The following GAS5 variants were observed in gnomAD, a reference collection of about 807,000 sequenced individuals.
The protein encoded by GAS5 is growth arrest specific 5 (non-protein coding).
chr1:173,866,733 C>T (rs761647536), intron 2 of GAS5: 20 of 765,336 alleles, frequency 2.6e-5, no homozygotes, highest in Admixed American at 1.2e-4. Flanking sequence ...TGGCTTTAAA[C>T]CTTTTTGAGA....
intron 6 of GAS5, chr1:173,865,211 T>TA: frequency 3.2e-6 from 1 of 309,378 alleles, no homozygotes; most frequent in Non-Finnish European, 6.2e-6. Context: ...AAAAAAAAAA[T>TA]ACTTGGAACT....
chr1:173,867,329 C>T, upstream of GAS5: 1 of 419,788 alleles, frequency 2.4e-6, no homozygotes. Context: ...AGACCAGTCT[C>T]GCCAACATGG....
chr1:173,864,355 C>A (rs1654223200), intron 6 of GAS5: 1 of 518,618 alleles, frequency 1.9e-6, no homozygotes, highest in African/African-American at 1.9e-5. Flanking sequence ...ATGTGTGATG[C>A]TTGTTAGTAG....
At chr1:173,865,345 A>G (rs1654403533) in intron 6 of GAS5, 1 of 504,878 alleles carries the variant, frequency 2.0e-6, no homozygotes, top group African/African-American at 1.9e-5. Context: ...AAGATTTCCC[A>G]ACTACTGTTT....
upstream of GAS5, chr1:173,867,207 C>G (rs1654872504): frequency 1.8e-6 from 1 of 546,412 alleles, no homozygotes; most frequent in South Asian, 2.6e-5. Context: ...CAAAGAAGCA[C>G]TGCACCCGCA....
chr1:173,866,105 G>A (rs975678876), intron 4 of GAS5: 3 of 510,824 alleles, frequency 5.9e-6, no homozygotes, highest in Non-Finnish European at 1.2e-5. Flanking sequence ...GCACTAGGAG[G>A]TAACTAAAAA....
chr1:173,865,943 C>G (rs768621674), intron 4 of GAS5: 1 of 519,044 alleles, frequency 1.9e-6, no homozygotes, highest in African/African-American at 1.9e-5. Flanking sequence ...GTGTTCACCC[C>G]CTGCCAAAAC....
chr1:173,867,863 G>A, upstream of GAS5: 1 of 455,034 alleles, frequency 2.2e-6, no homozygotes, highest in Non-Finnish European at 4.5e-6. Context: ...GCAAAGGCGC[G>A]CGACTGGCTT....
intron 7 of GAS5, chr1:173,864,253 TCAC>T (rs753020155): frequency 1.9e-6 from 1 of 514,022 alleles, no homozygotes; most frequent in Admixed American, 1.9e-5. Context: ...TTTCCAATCC[TCAC>T]CTTTCAAGCA....
chr1:173,864,002 C>T, intron 7 of GAS5: 2 of 337,326 alleles, frequency 5.9e-6, no homozygotes, highest in Non-Finnish European at 1.2e-5. Flanking sequence ...GGCTGAGGAT[C>T]ACTTGAGCCC....
Position 173,866,816 on chromosome 1 carries a change from A to C in GAS5, n.56-20T>G, listed in dbSNP as rs973655011. 3.9e-6 allele frequency: 3 copies of C among 765,248 alleles called. No individual in the cohort carries two copies. In the African/African-American group the frequency reaches 5.1e-5, roughly 13 times the overall value. 47.4% of individuals were successfully genotyped at this position (765,248 alleles called of 1,614,324 possible). On this transcript the variant is annotated intron_variant and non_coding_transcript_variant, in intron 1 of 7. Transcript: ENST00000651080. The stretch of plus-strand genomic sequence containing the variant: ...ACACAACTAGAAAACAAAAAGATGC[A>C]AGCAAAACAGTGAGAATGAACCTCA...
chr1:173,865,864 A>G, exon 5 of GAS5: 1 of 517,004 alleles, frequency 1.9e-6, no homozygotes, highest in Non-Finnish European at 3.9e-6. Flanking sequence ...TACCAGAACC[A>G]TTAAGCTGGT....
At chr1:173,864,702 G>T (rs1016825335) in intron 6 of GAS5, 4 of 436,836 alleles carry the variant, frequency 9.2e-6, no homozygotes, top group Admixed American at 6.1e-5. Flanking sequence ...TGAATTCTGA[G>T]TCCTGAAATT....
intron 7 of GAS5, chr1:173,864,190 G>C (rs755717426): frequency 1.9e-6 from 1 of 518,548 alleles, no homozygotes; most frequent in Admixed American, 1.9e-5. Flanking sequence ...CAGTGAGAGA[G>C]TTCAAGTTGG....
chr1:173,867,045 T>TA, upstream of GAS5: 1 of 731,080 alleles, frequency 1.4e-6, no homozygotes, highest in Non-Finnish European at 2.5e-6. Flanking sequence ...GCACCATACC[T>TA]AAAGAGATCA....
At chr1:173,867,961 T>C (rs991850679), upstream of GAS5, 5 of 343,320 alleles carry the variant, frequency 1.5e-5, no homozygotes, top group East Asian at 7.5e-5. Context: ...AAAACATACC[T>C]CACAGGAGTC....
At position 173,865,929 on chromosome 1, in the gene GAS5, A is replaced by G. The variant is rs140290587; in HGVS notation, n.162-35T>C. On this transcript the variant is annotated intron_variant and non_coding_transcript_variant, in intron 4 of 7. Transcript: ENST00000651080. ...AAGAGTGGTCTTAGAATAGCCACAG[A>G]TGAGTGTTCACCCCCTGCCAAAACT... 41 of 519,214 alleles carry G rather than the reference A, an allele frequency of 7.9e-5. 1 individual carries two copies. The highest frequency in any genetic ancestry group is 7.5e-4 in the African/African-American group (39 of 52,078). The allele number at this position is 519,214 out of a possible 1,614,324, so 32.2% of individuals were successfully genotyped here. A position where few individuals can be genotyped will look rare whatever the true frequency, so the allele number is the denominator to read the frequency against.
exon 1 of GAS5, chr1:173,866,991 C>T (rs542303124): frequency 1.3e-6 from 1 of 765,450 alleles, no homozygotes. Context: ...CAATTCTTAC[C>T]TGTCCATAAG....
exon 6 of GAS5, chr1:173,865,483 T>C (rs1654441919): frequency 2.0e-6 from 1 of 506,600 alleles, no homozygotes; most frequent in South Asian, 1.4e-5. Flanking sequence ...TTAAAAGGTA[T>C]GACAGGAACT....
Sources: allele counts gnomAD v4.1 joint callset, GRCh38; gene constraint gnomAD v4.1.1; transcripts MANE v1.5; gene names NCBI Gene and HGNC (gene_info 2026-07-23, HGNC 2026-07-21).